PHLDB2: variants seen among roughly 807,000 people sequenced by gnomAD.
PHLDB2 encodes the protein pleckstrin homology like domain family B member 2, also known as pleckstrin homology-like domain family B member 2.
Under a neutral mutation model 123.6 loss-of-function variants are expected in PHLDB2, and 71 were observed. The ratio of observed to expected loss-of-function variants is 0.57; its 90% confidence interval spans 0.47 to 0.70. The LOEUF is 0.70. Among genes scored for constraint, PHLDB2 ranks in the 30% least tolerant of loss-of-function variants. The pLI is 0.00. For synonymous variants in PHLDB2, 547 were observed against 541.6 expected, an observed-to-expected ratio of 1.01 and a Z score of -0.14; for missense variants, 1,446 against 1,519.5, an observed-to-expected ratio of 0.95 and a Z score of 0.80.
At chr3:111,924,297 C>T (rs2068694222) in intron 5 of PHLDB2, among the ~76,000 whole-genome samples, 1 of 152,232 alleles carries the variant, frequency 6.6e-6, no homozygotes, top group Non-Finnish European at 1.5e-5. Context: ...GCCTACTAGA[C>T]ATTTATATCC....
chr3:111,907,562 C>G (rs996728596), intron 2 of PHLDB2, among the ~76,000 whole-genome samples: 5 of 152,062 alleles, frequency 3.3e-5, no homozygotes, highest in African/African-American at 1.2e-4. Flanking sequence ...AGTAGCACGA[C>G]TGGGCTCACT....
rs1443719061 is a variant in PHLDB2 at position 111,841,744 on chromosome 3, C to G, written c.-48-4077C>G. On this transcript the variant is annotated intron_variant, in intron 1 of 17. Transcript: ENST00000393923. ...GTGAACATTTATCAATACATTTATT[C>G]CACAACATTTTTATTATGAATGTGT... Among the ~76,000 whole-genome samples the G allele has an allele frequency of 3.9e-5, 6 of 152,094 alleles. No individual in the cohort carries two copies. In the East Asian group the frequency reaches 1.2e-3, roughly 29 times the overall value.
chr3:111,916,324 G>T (rs1027387157), intron 3 of PHLDB2: 11 of 152,194 alleles, frequency 7.2e-5, no homozygotes, highest in African/African-American at 2.7e-4. Flanking sequence ...TGGATTCCAA[G>T]AAACACATTT....
At chr3:111,908,110 A>G (rs2107482034) in intron 2 of PHLDB2, among the ~76,000 whole-genome samples, 1 of 152,284 alleles carries the variant, frequency 6.6e-6, no homozygotes, top group Non-Finnish European at 1.5e-5. Context: ...TCCCACACTA[A>G]ATCACATAAT....
At chr3:111,765,871 G>A (rs2060070729) in intron 1 of PHLDB2, among the ~76,000 whole-genome samples, 1 of 145,592 alleles carries the variant, frequency 6.9e-6, no homozygotes, top group South Asian at 2.2e-4. Flanking sequence ...TTTCATTGTT[G>A]CCATTTCTTC....
chr3:111,827,610 C>A lies in PHLDB2; in HGVS notation c.-48-18211C>A, dbSNP rs544748193. Among the ~76,000 whole-genome samples the A allele has an allele frequency of 2.1e-5, 3 of 144,372 alleles. No homozygotes were observed. The Admixed American group carries it at 2.2e-4, about 11-fold the overall frequency. 94.7% of individuals were successfully genotyped at this position (144,372 alleles called of 152,430 possible). The stretch of plus-strand genomic sequence containing the variant: ...AATGGCGTCAACCCGGGAGGCGGAG[C>A]TTGCAGTGAGCCGAGATTGGAGATT... On this transcript the variant is annotated intron_variant, in intron 1 of 17. Transcript: ENST00000393923.
At chr3:111,849,682 C>T (rs2064164850) in intron 2 of PHLDB2, among the ~76,000 whole-genome samples, 1 of 152,170 alleles carries the variant, frequency 6.6e-6, no homozygotes, top group South Asian at 2.1e-4. Flanking sequence ...AAAATAGACA[C>T]TTGCACATAT....
At chr3:111,932,907 T>C (rs2069224408) in intron 6 of PHLDB2, among the ~76,000 whole-genome samples, 1 of 152,210 alleles carries the variant, frequency 6.6e-6, no homozygotes, top group Non-Finnish European at 1.5e-5. Flanking sequence ...TCCCAACAAT[T>C]AAACACCAAG....
At chr3:111,867,151 A>G (rs1913493) in intron 1 of PHLDB2, among the ~76,000 whole-genome samples, 93,049 of 151,684 alleles carry the variant, frequency 0.61, 29,383 homozygotes, top group Middle Eastern at 0.79. Flanking sequence ...TTTGCTTTCA[A>G]ACTTCTCCCA....
chr3:111,949,212 T>C lies in PHLDB2; in HGVS notation c.2631+137T>C, dbSNP rs552590139. 4.1e-5 allele frequency: 41 copies of C among 995,460 alleles called. No individual in the cohort carries two copies. The Admixed American group carries it at 9.9e-4, about 24-fold the overall frequency. 61.7% of individuals were successfully genotyped at this position (995,460 alleles called of 1,614,324 possible). On this transcript the variant is annotated intron_variant, in intron 10 of 17. Coordinates refer to ENST00000431670, the MANE Select transcript of PHLDB2 (RefSeq NM_001134438.2). ...TTTGGCCAGAGGGGTAGGGTAAGGC[T>C]GAGTTTATAAAGTATACCAATTTGG...
intron 1 of PHLDB2, among the ~76,000 whole-genome samples, chr3:111,844,212 T>C (rs1480760133): frequency 2.6e-5 from 4 of 152,164 alleles, no homozygotes; most frequent in African/African-American, 9.7e-5. Flanking sequence ...TATGAGACAG[T>C]TTGCCTTGCT....
At chr3:111,777,775 T>C (rs2060291955) in intron 1 of PHLDB2, among the ~76,000 whole-genome samples, 1 of 152,164 alleles carries the variant, frequency 6.6e-6, no homozygotes, top group Non-Finnish European at 1.5e-5. Flanking sequence ...TTTCATCTGA[T>C]TCCTCTTCAA....
At chr3:111,846,081 G>T in intron 2 of PHLDB2, 1 of 807,196 alleles carries the variant, frequency 1.2e-6, no homozygotes, top group Non-Finnish European at 2.0e-6. Flanking sequence ...GGCAATCCTT[G>T]CCCAGAACTT....
intron 1 of PHLDB2, among the ~76,000 whole-genome samples, chr3:111,734,600 G>A (rs558033198): frequency 1.3e-5 from 2 of 152,170 alleles, no homozygotes; most frequent in African/African-American, 2.4e-5. Context: ...ATATTGGATA[G>A]TAAGTAGAGG....
chr3:111,786,939 A>C (rs1183157655), intron 1 of PHLDB2, among the ~76,000 whole-genome samples: 2 of 152,142 alleles, frequency 1.3e-5, no homozygotes, highest in African/African-American at 4.8e-5. Flanking sequence ...AGATGCAAAA[A>C]CCAGAGGTTA....
chr3:111,761,923 C>T (rs1042443478), intron 1 of PHLDB2, among the ~76,000 whole-genome samples: 3 of 152,054 alleles, frequency 2.0e-5, no homozygotes, highest in African/African-American at 4.8e-5. Flanking sequence ...AGAAGAATTA[C>T]AGAGTAATTA....
At chr3:111,823,934 T>C (rs2062526952) in intron 1 of PHLDB2, among the ~76,000 whole-genome samples, 1 of 152,182 alleles carries the variant, frequency 6.6e-6, no homozygotes, top group African/African-American at 2.4e-5. Flanking sequence ...TCTGTCTCTT[T>C]AGGTAACTTA....
intron 10 of PHLDB2, among the ~76,000 whole-genome samples, chr3:111,952,261 G>A (rs2070759503): frequency 1.3e-5 from 2 of 152,178 alleles, no homozygotes; most frequent in South Asian, 4.1e-4. Context: ...TCCACTGGCT[G>A]TTCTGCCATC....
upstream of PHLDB2, among the ~76,000 whole-genome samples, chr3:111,856,117 G>C (rs938030633): frequency 6.6e-6 from 1 of 152,118 alleles, no homozygotes; most frequent in Non-Finnish European, 1.5e-5. Flanking sequence ...TATAAGTCTT[G>C]GAGTATGATT....
Sources: allele counts gnomAD v4.1 joint callset (sites outside exome capture counted in the v4.1 genomes callset), GRCh38; gene constraint gnomAD v4.1.1; transcripts MANE v1.5; gene names NCBI Gene and HGNC (gene_info 2026-07-23, HGNC 2026-07-21).